Variants in ZNF506 observed in about 807,000 individuals in gnomAD.
The protein encoded by ZNF506 is zinc finger protein 506.
ZNF506 carries 10 observed loss-of-function variants against 11.6 expected under a neutral mutation model. The ratio of observed to expected loss-of-function variants is 0.86; its 90% confidence interval spans 0.53 to 1.46. ZNF506 has a LOEUF of 1.46. ZNF506 is among the 40% of genes most tolerant of loss of function. The pLI is 0.00. For synonymous variants in ZNF506, 156 were observed against 173.3 expected, an observed-to-expected ratio of 0.90 and a Z score of 0.78; for missense variants, 425 against 521.2, an observed-to-expected ratio of 0.82 and a Z score of 1.80.
intron 3 of ZNF506, among the ~76,000 whole-genome samples, chr19:19,800,111 A>C (rs1900246967): frequency 1.3e-5 from 2 of 152,158 alleles, no homozygotes; most frequent in African/African-American, 4.8e-5. Context: ...AAATACTGGC[A>C]TATCACTCAG....
chr19:19,800,658 G>A (rs1034884747), intron 3 of ZNF506, among the ~76,000 whole-genome samples: 3 of 150,848 alleles, frequency 2.0e-5, no homozygotes, highest in Non-Finnish European at 3.0e-5. Flanking sequence ...CTCATGATCC[G>A]CCTGCCTTGG....
At position 19,806,143 on chromosome 19, in the gene ZNF506, AAAT is replaced by A; in HGVS notation, c.131-20_131-18del. ...CAACAATACCTGTTTTATTAAGAAT[AAAT>A]AATATGAATCTTGCTCATATTCTCC... On this transcript the variant is annotated intron_variant, in intron 2 of 3. Coordinates refer to ENST00000540806, the MANE Select transcript of ZNF506 (RefSeq NM_001099269.3). 2 of 1,560,704 alleles carry A rather than the reference AAAT, an allele frequency of 1.3e-6. No homozygotes were observed. Among genetic ancestry groups the A allele is most frequent in the Non-Finnish European group, 1.7e-6 (2 of 1,143,990 alleles).
rs1389309667 is a variant in ZNF506, at chr19:19,792,827, A to T, written c.*1725T>A. Among the ~76,000 whole-genome samples the T allele has an allele frequency of 6.6e-6, 1 of 152,136 alleles. No homozygotes were observed. The highest frequency in any genetic ancestry group is 1.5e-5 in the Non-Finnish European group (1 of 68,028). On this transcript the variant is annotated 3_prime_UTR_variant, in exon 4 of 4. Transcript: ENST00000540806. ...TAGGCCATCCAAAAGACAAAGCAAA[A>T]CATCAACATTAAGTCATAGGCTAGG...
Position 19,795,365 on chromosome 19 carries a change from T to A in ZNF506, c.522A>T (p.Lys174Asn), listed in dbSNP as rs759978222. ...TAAAAGTTTTCCCATATTCTATACA[T>A]TTAAAAGATTTTTTTCCAGTATCTC... ...KIRDTGKKSF[K>N]CIEYGKTFNQ... is the part of the protein sequence containing the mutation. The change falls in exon 4 of 4, where the codon AAA (lysine) becomes AAT (asparagine). Residue 174 changes from lysine to asparagine, a missense_variant. Lys to Asn is a moderately conservative substitution (Grantham distance 94, BLOSUM62 0). Transcript: ENST00000540806. The A allele has an allele frequency of 6.2e-7, 1 of 1,608,396 alleles. No individual in the cohort carries two copies. Among genetic ancestry groups the A allele is most frequent in the East Asian group, 2.2e-5 (1 of 44,784 alleles).
At chr19:19,812,823 C>T (rs1381838227) in intron 1 of ZNF506, among the ~76,000 whole-genome samples, 1 of 152,068 alleles carries the variant, frequency 6.6e-6, no homozygotes, top group African/African-American at 2.4e-5. Flanking sequence ...GAAAATATTC[C>T]CCTAAAAGCA....
At chr19:19,815,117 A>G (rs531883479) in intron 1 of ZNF506, among the ~76,000 whole-genome samples, 7 of 152,072 alleles carry the variant, frequency 4.6e-5, no homozygotes, top group African/African-American at 1.7e-4. Flanking sequence ...AAAATTAGCC[A>G]GGCGTGGTGG....
chr19:19,794,432 A>G lies in ZNF506; in HGVS notation c.*120T>C. The G allele has an allele frequency of 9.5e-7, 1 of 1,052,490 alleles. No homozygotes were observed. The highest frequency in any genetic ancestry group is 1.4e-6 in the Non-Finnish European group (1 of 734,722). 65.2% of individuals were successfully genotyped at this position (1,052,490 alleles called of 1,614,324 possible). ...GAGAACTTCCTTAAAAAGCTTTGTCACATTCTTTATATTTGTAGGGTTTAT... is the reference window on the plus strand; with the variant it reads ...GAGAACTTCCTTAAAAAGCTTTGTCGCATTCTTTATATTTGTAGGGTTTAT... On this transcript the variant is annotated 3_prime_UTR_variant, in exon 4 of 4. Transcript: ENST00000540806.
rs73528916 is a variant in ZNF506 at position 19,814,060 on chromosome 19, A to G, written c.4-6992T>C. Reference sequence around the variant, plus strand: ...GAGTACTCTGTGGCCACTAAAAAAAAAGATCATGTCCTTTGCAATAACACT... The same window carrying G: ...GAGTACTCTGTGGCCACTAAAAAAAGAGATCATGTCCTTTGCAATAACACT... On this transcript the variant is annotated intron_variant, in intron 1 of 3. Transcript: ENST00000540806. Among the ~76,000 whole-genome samples the G allele has an allele frequency of 4.2e-3, 645 of 152,292 alleles. 6 individuals carry two copies. Among genetic ancestry groups the G allele is most frequent in the African/African-American group, 0.014 (587 of 41,566 alleles).
intron 3 of ZNF506, among the ~76,000 whole-genome samples, chr19:19,803,795 C>T (rs571907831): frequency 2.3e-4 from 35 of 152,220 alleles, no homozygotes; most frequent in African/African-American, 7.5e-4. Context: ...AACTATATTG[C>T]GCCCATTGTC....
At chr19:19,807,264 CACA>C (rs1402037873) in intron 1 of ZNF506, among the ~76,000 whole-genome samples, 196 bp from the exon 2 acceptor site, 2 of 152,120 alleles carry the variant, frequency 1.3e-5, no homozygotes, top group Admixed American at 6.5e-5. Flanking sequence ...GCACAAGATC[CACA>C]ACATCAGTTC....
chr19:19,812,057 G>A (rs1174250530), intron 1 of ZNF506, among the ~76,000 whole-genome samples: 1 of 151,132 alleles, frequency 6.6e-6, no homozygotes, highest in Non-Finnish European at 1.5e-5. Context: ...TTATCTATTT[G>A]GGTCTCCAGA....
At position 19,806,994 on chromosome 19, in the gene ZNF506, C is replaced by G; in HGVS notation, c.78G>C (p.Arg26=). 1 of 1,613,964 alleles carries G rather than the reference C, an allele frequency of 6.2e-7. No individual in the cohort carries two copies. Among genetic ancestry groups the G allele is most frequent in the Non-Finnish European group, 8.5e-7 (1 of 1,179,948 alleles). The part of the protein sequence containing the change: ...EEWHCLDAAQ[R]NLYRDVMLEN... ...CTAACATCACATCCCTATATAGATT[C>G]CGCTGTGCAGCGTCCAGGCAATGCC... Residue 26 remains arginine (R), a synonymous_variant, in exon 2 of 4, where the codon CGG becomes CGC. Coordinates refer to ENST00000540806, the MANE Select transcript of ZNF506 (RefSeq NM_001099269.3).
At chr19:19,809,589 A>T (rs2062868138) in intron 1 of ZNF506, among the ~76,000 whole-genome samples, 1 of 152,158 alleles carries the variant, frequency 6.6e-6, no homozygotes. Context: ...ATAGCATGAC[A>T]TCAATTGGCA....
At chr19:19,806,533 G>T (rs2062837261) in intron 2 of ZNF506, among the ~76,000 whole-genome samples, 2 of 152,168 alleles carry the variant, frequency 1.3e-5, no homozygotes, top group Non-Finnish European at 2.9e-5. Flanking sequence ...TGGGATTATA[G>T]GTGTGAGCCA....
At chr19:19,796,979 A>C (rs2062747389) in intron 3 of ZNF506, 1 of 152,212 alleles carries the variant, frequency 6.6e-6, no homozygotes, top group African/African-American at 2.4e-5. Context: ...TGATTTTCAG[A>C]CTATGCGAGG....
intron 3 of ZNF506, among the ~76,000 whole-genome samples, chr19:19,802,275 A>C (rs560430223): frequency 6.6e-6 from 1 of 152,098 alleles, no homozygotes; most frequent in Non-Finnish European, 1.5e-5. Flanking sequence ...CATTAAATGC[A>C]GGTATTTTGA....
intron 1 of ZNF506, among the ~76,000 whole-genome samples, chr19:19,815,423 T>C (rs1156969317): frequency 1.3e-5 from 2 of 152,126 alleles, no homozygotes; most frequent in East Asian, 1.9e-4. Context: ...GGGTCTGTCA[T>C]CAGAGCTTCT....
chr19:19,808,770 G>A (rs984456410), intron 1 of ZNF506, among the ~76,000 whole-genome samples: 1 of 147,878 alleles, frequency 6.8e-6, no homozygotes, highest in Non-Finnish European at 1.5e-5. Flanking sequence ...TTGACCCCGG[G>A]AGGTGAAGTT....
chr19:19,815,535 T>C (rs1191573860), intron 1 of ZNF506, among the ~76,000 whole-genome samples: 2 of 152,210 alleles, frequency 1.3e-5, no homozygotes, highest in African/African-American at 2.4e-5. Context: ...GAGCCTCCCA[T>C]TCCCAATCAC....
Sources: allele counts gnomAD v4.1 joint callset (sites outside exome capture counted in the v4.1 genomes callset), GRCh38; gene constraint gnomAD v4.1.1; transcripts MANE v1.5; gene names NCBI Gene and HGNC (gene_info 2026-07-23, HGNC 2026-07-21).